Variants in TRIM42 observed in about 807,000 individuals in gnomAD.
The protein encoded by TRIM42 is tripartite motif-containing protein 42.
In TRIM42, 59 loss-of-function variants were observed where a neutral mutation model predicts 64.9. The observed-to-expected ratio is 0.91, with a 90% CI of 0.74 to 1.13. TRIM42 has a LOEUF of 1.13. Among genes scored for constraint, TRIM42 ranks in the 50% most tolerant of loss-of-function variants. The pLI, the probability that TRIM42 is intolerant of heterozygous loss-of-function variation, is 0.00. For synonymous variants in TRIM42, 354 were observed against 346.3 expected (o/e 1.02, Z -0.25); for missense variants, 878 against 929.5 (o/e 0.94, Z 0.72).
At chr3:140,681,641 C>T (rs1391472867) in intron 1 of TRIM42, among the ~76,000 whole-genome samples, 1 of 115,218 alleles carries the variant, frequency 8.7e-6, no homozygotes, top group African/African-American at 2.9e-5. Context: ...TGTCAATGTC[C>T]TCCAGGAAAA....
intron 3 of TRIM42, 32 bp downstream of exon 3, chr3:140,688,574 G>C: frequency 6.5e-7 from 1 of 1,545,360 alleles, no homozygotes; most frequent in Non-Finnish European, 8.8e-7. Flanking sequence ...GTGGGGAAGT[G>C]GGAGGGTGTG....
intron 4 of TRIM42, among the ~76,000 whole-genome samples, chr3:140,693,616 A>AT (rs1559939432): frequency 6.6e-6 from 1 of 152,180 alleles, no homozygotes; most frequent in Non-Finnish European, 1.5e-5. Context: ...TAAAATCAAA[A>AT]TTTTTTCCTT....
intron 1 of TRIM42, among the ~76,000 whole-genome samples, chr3:140,679,612 C>T (rs1437254228): frequency 1.3e-5 from 2 of 152,124 alleles, no homozygotes; most frequent in East Asian, 3.9e-4. Context: ...CCACCCATGA[C>T]CCTCTCATAG....
intron 2 of TRIM42, among the ~76,000 whole-genome samples, chr3:140,686,259 C>A (rs1988542494): frequency 6.6e-6 from 1 of 152,190 alleles, no homozygotes. Flanking sequence ...CTGCCACAGT[C>A]ACAGTGCATT....
intron 2 of TRIM42, among the ~76,000 whole-genome samples, chr3:140,684,570 A>T (rs905995032): frequency 4.6e-5 from 7 of 152,210 alleles, no homozygotes; most frequent in African/African-American, 1.7e-4. Context: ...AGGCTTTGCT[A>T]ATGACCACAT....
chr3:140,685,752 T>C (rs1169485605), intron 2 of TRIM42, among the ~76,000 whole-genome samples: 1 of 152,184 alleles, frequency 6.6e-6, no homozygotes, highest in Non-Finnish European at 1.5e-5. Flanking sequence ...AGTTTGGAGC[T>C]AGACAAATAG....
At chr3:140,686,223 A>C (rs1576417558) in intron 2 of TRIM42, among the ~76,000 whole-genome samples, 1 of 152,224 alleles carries the variant, frequency 6.6e-6, no homozygotes, top group South Asian at 2.1e-4. Context: ...TAGTCAAAGA[A>C]AATAATGCGC....
At chr3:140,679,864 T>C (rs902981340) in intron 1 of TRIM42, among the ~76,000 whole-genome samples, 1 of 152,080 alleles carries the variant, frequency 6.6e-6, no homozygotes, top group Non-Finnish European at 1.5e-5. Flanking sequence ...TTAAAATTAC[T>C]GATGCCTGAT....
intron 4 of TRIM42, among the ~76,000 whole-genome samples, chr3:140,692,200 C>A (rs974547425): frequency 2.6e-5 from 4 of 152,010 alleles, no homozygotes; most frequent in African/African-American, 7.2e-5. Flanking sequence ...TCTGGATCTG[C>A]ACCATTTTTG....
intron 4 of TRIM42, among the ~76,000 whole-genome samples, chr3:140,699,936 A>C (rs775628220): frequency 6.6e-6 from 1 of 152,224 alleles, no homozygotes; most frequent in Non-Finnish European, 1.5e-5. Flanking sequence ...ACAAATATAG[A>C]AGGTTAAAAG....
chr3:140,694,832 A>T (rs1936660687), intron 4 of TRIM42, among the ~76,000 whole-genome samples: 1 of 152,044 alleles, frequency 6.6e-6, no homozygotes, highest in South Asian at 2.1e-4. Flanking sequence ...AGCCAGCAAC[A>T]TTGGGCTGAG....
chr3:140,698,204 T>A (rs1988906518), intron 4 of TRIM42, among the ~76,000 whole-genome samples: 1 of 152,224 alleles, frequency 6.6e-6, no homozygotes, highest in Non-Finnish European at 1.5e-5. Flanking sequence ...CATAGAAATT[T>A]ATTTCTTCAT....
intron 4 of TRIM42, among the ~76,000 whole-genome samples, chr3:140,693,002 A>C (rs1988761379): frequency 6.6e-6 from 1 of 151,904 alleles, no homozygotes; most frequent in Non-Finnish European, 1.5e-5. Context: ...GAAATTATGG[A>C]CTCCTTGAGA....
chr3:140,697,473 C>T (rs1988880838), intron 4 of TRIM42, among the ~76,000 whole-genome samples: 1 of 152,098 alleles, frequency 6.6e-6, no homozygotes, highest in African/African-American at 2.4e-5. Flanking sequence ...TACAGTTTCA[C>T]CTTTCAAATT....
intron 4 of TRIM42, among the ~76,000 whole-genome samples, chr3:140,700,175 C>T (rs1403915547): frequency 6.6e-6 from 1 of 152,144 alleles, no homozygotes; most frequent in Non-Finnish European, 1.5e-5. Flanking sequence ...CAAGGTAAGG[C>T]ATGGAGGGCA....
chr3:140,691,146 G>A lies in TRIM42; in HGVS notation c.2039G>A (p.Arg680Lys), dbSNP rs1289096830. Residue 680 changes from arginine (R) to lysine (K), a missense_variant, in exon 4 of 5, where the codon AGA (arginine) becomes AAA (lysine). Physicochemically the swap from Arg to Lys is conservative, Grantham distance 26. Transcript: ENST00000286349. ...AACACAGAATACGTGTTTAAAGTTA[G>A]AGCCATCAATGATAATGGTCCTGGG... Reference protein sequence around the residue: ...TPNTEYVFKVRAINDNGPGQW... With the variant: ...TPNTEYVFKVKAINDNGPGQW... 7 of 1,614,022 alleles carry A rather than the reference G, an allele frequency of 4.3e-6. No homozygotes were observed. The highest frequency in any genetic ancestry group is 5.9e-6 in the Non-Finnish European group (7 of 1,180,010).
At chr3:140,683,254 G>T in intron 2 of TRIM42, 95 bp downstream of exon 2, 3 of 1,285,396 alleles carry the variant, frequency 2.3e-6, no homozygotes, top group Non-Finnish European at 3.3e-6. Flanking sequence ...TGCCTTAACA[G>T]ATTCCACCTA....
intron 4 of TRIM42, among the ~76,000 whole-genome samples, chr3:140,698,052 A>G (rs371194529): frequency 1.3e-5 from 2 of 152,160 alleles, no homozygotes; most frequent in Non-Finnish European, 2.9e-5. Context: ...ATTACATGCC[A>G]TGGGTCTATA....
At chr3:140,694,835 G>C (rs1454044831) in intron 4 of TRIM42, among the ~76,000 whole-genome samples, 1 of 152,032 alleles carries the variant, frequency 6.6e-6, no homozygotes, top group Non-Finnish European at 1.5e-5. Context: ...CAGCAACATT[G>C]GGCTGAGTTT....
Sources: gnomAD v4.1 joint callset for allele counts (sites outside exome capture counted in the v4.1 genomes callset) on GRCh38, gnomAD v4.1.1 for gene constraint, MANE v1.5 for transcripts, NCBI Gene and HGNC (gene_info 2026-07-23, HGNC 2026-07-21) for gene names.